The following HTR2C variants were observed in gnomAD, a reference collection of about 807,000 sequenced individuals.
HTR2C encodes the protein 5-hydroxytryptamine (serotonin) receptor 2C, G protein-coupled.
In HTR2C, 5 loss-of-function variants were observed where a neutral mutation model predicts 21.0. The ratio of observed to expected loss-of-function variants is 0.24; its 90% CI spans 0.12 to 0.50. HTR2C has a LOEUF of 0.50. Ranked by LOEUF, HTR2C falls within the 20% of genes least tolerant of loss-of-function variation. The pLI, the probability that HTR2C is intolerant of heterozygous loss-of-function variation, is 0.98. For synonymous variants in HTR2C, 150 were observed against 145.3 expected (o/e 1.03, Z -0.23); for missense variants, 271 against 371.2 (o/e 0.73, Z 2.22).
chrX:114,813,881 G>A (rs1196103289), intron 4 of HTR2C, among the ~76,000 whole-genome samples: 1 of 111,401 alleles, frequency 9.0e-6, no homozygotes, highest in Non-Finnish European at 1.9e-5. Flanking sequence ...AGATTGTAAT[G>A]TCATAAAGTT....
intron 4 of HTR2C, among the ~76,000 whole-genome samples, chrX:114,755,121 T>G: frequency 9.1e-6 from 1 of 109,692 alleles, no homozygotes; most frequent in Non-Finnish European, 1.9e-5. Context: ...GCGCCTGTAA[T>G]CCCAGTTACT....
At chrX:114,764,134 C>T (rs1168872515) in intron 4 of HTR2C, among the ~76,000 whole-genome samples, 2 of 111,534 alleles carry the variant, frequency 1.8e-5, no homozygotes, top group Non-Finnish European at 3.8e-5. Flanking sequence ...TGCGGTGGCT[C>T]ATGCCTGTAA....
intron 2 of HTR2C, among the ~76,000 whole-genome samples, chrX:114,726,505 C>T (rs782000276): frequency 6.2e-5 from 7 of 112,477 alleles, no homozygotes; most frequent in African/African-American, 9.7e-5. Flanking sequence ...AGCTGTAGAC[C>T]GGAGCTGTTC....
intron 4 of HTR2C, among the ~76,000 whole-genome samples, chrX:114,799,665 G>T (rs186372692): frequency 2.4e-3 from 263 of 110,449 alleles, no homozygotes; most frequent in Middle Eastern, 0.014. Flanking sequence ...AGCAGTAGAT[G>T]TATTCATTCA....
intron 2 of HTR2C, among the ~76,000 whole-genome samples, chrX:114,669,628 G>A (rs1487316121): frequency 3.6e-5 from 4 of 111,748 alleles, no homozygotes; most frequent in Admixed American, 9.5e-5. Flanking sequence ...CAGGGAGTCC[G>A]AGGTTGCAGT....
intron 2 of HTR2C, among the ~76,000 whole-genome samples, chrX:114,668,031 G>A (rs1173699594): frequency 1.8e-5 from 2 of 111,461 alleles, no homozygotes; most frequent in Non-Finnish European, 3.8e-5. Context: ...GGAAGAGAAA[G>A]TACATACAAA....
intron 4 of HTR2C, among the ~76,000 whole-genome samples, chrX:114,792,664 T>C (rs1361229180): frequency 3.6e-5 from 4 of 111,756 alleles, no homozygotes; most frequent in African/African-American, 1.3e-4. Context: ...AAATGGTATT[T>C]CTGGTTCTAG....
intron 4 of HTR2C, among the ~76,000 whole-genome samples, chrX:114,765,530 C>G (rs5988128): frequency 0.048 from 5,271 of 110,412 alleles, 326 homozygotes; most frequent in African/African-American, 0.16. Flanking sequence ...AGGTCCCATT[C>G]TCCCAGCTAG....
chrX:114,798,499 A>G (rs1258462671), intron 4 of HTR2C, among the ~76,000 whole-genome samples: 5 of 111,714 alleles, frequency 4.5e-5, no homozygotes, highest in Non-Finnish European at 9.4e-5. Context: ...GCATGCTTTA[A>G]ACATTCATGC....
At chrX:114,764,759 C>G (rs150877623) in intron 4 of HTR2C, among the ~76,000 whole-genome samples, 134 of 111,948 alleles carry the variant, frequency 1.2e-3, no homozygotes, top group African/African-American at 4.1e-3. Flanking sequence ...CATCCTCTGT[C>G]TTCTCAAGAA....
At chrX:114,703,830 G>A (rs1932654053) in intron 2 of HTR2C, among the ~76,000 whole-genome samples, 1 of 110,414 alleles carries the variant, frequency 9.1e-6, no homozygotes, top group African/African-American at 3.3e-5. Context: ...TAATAAAGAA[G>A]AAAAGAGAAG....
intron 5 of HTR2C, among the ~76,000 whole-genome samples, chrX:114,877,774 TC>T (rs2071150262): frequency 9.0e-6 from 1 of 110,685 alleles, no homozygotes; most frequent in Non-Finnish European, 1.9e-5. Flanking sequence ...TAAATTTTCC[TC>T]CCGTTATTAA....
intron 5 of HTR2C, among the ~76,000 whole-genome samples, chrX:114,880,008 AT>A (rs2071168133): frequency 9.1e-6 from 1 of 110,145 alleles, no homozygotes; most frequent in Non-Finnish European, 1.9e-5. Flanking sequence ...TTATATCTTT[AT>A]TGTTCCTCTG....
chrX:114,853,248 C>A (rs1461152106), intron 5 of HTR2C, among the ~76,000 whole-genome samples: 1 of 110,462 alleles, frequency 9.1e-6, no homozygotes, highest in Non-Finnish European at 1.9e-5. Flanking sequence ...ATTTTTATTT[C>A]TTAATTTAAT....
intron 1 of HTR2C, among the ~76,000 whole-genome samples, chrX:114,601,404 A>G (rs1013557634): frequency 1.8e-5 from 2 of 108,242 alleles, no homozygotes; most frequent in Non-Finnish European, 3.8e-5. Flanking sequence ...GGGCTGTTTT[A>G]TAGGATTTGG....
intron 5 of HTR2C, among the ~76,000 whole-genome samples, chrX:114,871,928 A>G (rs1344501358): frequency 9.1e-6 from 1 of 109,867 alleles, no homozygotes; most frequent in Non-Finnish European, 1.9e-5. Context: ...CATTTCATAT[A>G]GATTTCCAAA....
At chrX:114,713,557 T>C (rs1556419420) in intron 2 of HTR2C, among the ~76,000 whole-genome samples, 1 of 111,482 alleles carries the variant, frequency 9.0e-6, no homozygotes, top group African/African-American at 3.2e-5. Context: ...CGTGACTGAA[T>C]TCTATATATA....
chrX:114,725,470 C>T (rs1397274278), intron 2 of HTR2C, among the ~76,000 whole-genome samples: 14 of 111,354 alleles, frequency 1.3e-4, no homozygotes, highest in African/African-American at 3.9e-4. Flanking sequence ...AATTTCCTCC[C>T]GTAGCTCAGA....
At chrX:114,700,777 CA>C (rs1299160466) in intron 2 of HTR2C, among the ~76,000 whole-genome samples, 22 of 112,682 alleles carry the variant, frequency 2.0e-4, no homozygotes, top group Non-Finnish European at 3.6e-4. Context: ...TCGGGAAGCC[CA>C]AGGGGTCAGG....
Sources: gnomAD v4.1 joint callset for allele counts (sites outside exome capture counted in the v4.1 genomes callset) on GRCh38, gnomAD v4.1.1 for gene constraint, MANE v1.5 for transcripts, NCBI Gene and HGNC (gene_info 2026-07-23, HGNC 2026-07-21) for gene names.